Variants in RABGAP1L observed in about 807,000 individuals in gnomAD.
RABGAP1L encodes the protein RAB GTPase activating protein 1 like.
RABGAP1L carries 63 observed loss-of-function variants against 137.7 expected under a neutral mutation model. The ratio of observed to expected loss-of-function variants is 0.46; its 90% CI spans 0.37 to 0.56. The LOEUF (loss-of-function observed/expected upper bound fraction) is 0.56. Ranked by LOEUF, RABGAP1L falls within the 20% of genes least tolerant of loss-of-function variation. The probability of loss-of-function intolerance (pLI) is 0.00; values close to 1 mark genes in which losing one functional copy is unlikely to be tolerated. For synonymous variants in RABGAP1L, 431 were observed against 433.7 expected (o/e 0.99, Z 0.08); for missense variants, 1,095 against 1,244.0 (o/e 0.88, Z 1.80).
chr1:174,470,719 A>G (rs939090719), intron 13 of RABGAP1L, among the ~76,000 whole-genome samples: 1 of 152,170 alleles, frequency 6.6e-6, no homozygotes, highest in African/African-American at 2.4e-5. Flanking sequence ...GTGAGCCAAG[A>G]TGGCGGCATT....
intron 13 of RABGAP1L, among the ~76,000 whole-genome samples, chr1:174,438,136 C>T (rs1022942863): frequency 3.9e-5 from 6 of 151,982 alleles, no homozygotes; most frequent in East Asian, 3.9e-4. Flanking sequence ...TAAAGACCAT[C>T]GAGGCTAGGA....
intron 13 of RABGAP1L, among the ~76,000 whole-genome samples, chr1:174,518,533 G>A (rs562639074): frequency 3.9e-5 from 6 of 151,936 alleles, no homozygotes; most frequent in African/African-American, 1.5e-4. Context: ...TCAATCACTG[G>A]TTGATTGAAT....
intron 11 of RABGAP1L, among the ~76,000 whole-genome samples, chr1:174,349,398 G>A (rs1339414792): frequency 2.2e-5 from 3 of 137,988 alleles, no homozygotes; most frequent in Admixed American, 7.0e-5. Flanking sequence ...GCGGCTGGCC[G>A]GGTGGGGGGC....
intron 19 of RABGAP1L, among the ~76,000 whole-genome samples, chr1:174,924,384 T>TCA (rs1662343897): frequency 8.2e-5 from 1 of 12,250 alleles, no homozygotes; most frequent in African/African-American, 1.1e-3. Flanking sequence ...AGACTCTGTC[T>TCA]CAAAAAAAAA....
intron 19 of RABGAP1L, among the ~76,000 whole-genome samples, chr1:174,895,241 A>G (rs977546951): frequency 4.6e-5 from 7 of 152,226 alleles, no homozygotes; most frequent in African/African-American, 1.7e-4. Flanking sequence ...ACTTGAGAAT[A>G]AAGTGTTTAA....
At chr1:174,976,436 G>A (rs1430942517) in intron 22 of RABGAP1L, among the ~76,000 whole-genome samples, 1 of 152,118 alleles carries the variant, frequency 6.6e-6, no homozygotes, top group Non-Finnish European at 1.5e-5. Context: ...GAGATATTTA[G>A]CAAGAGTGTT....
At chr1:174,731,518 T>C (rs1469075529) in intron 17 of RABGAP1L, among the ~76,000 whole-genome samples, 1 of 152,076 alleles carries the variant, frequency 6.6e-6, no homozygotes, top group Admixed American at 6.5e-5. Flanking sequence ...TTTTGAGGTA[T>C]TTTTTTTCTA....
intron 13 of RABGAP1L, among the ~76,000 whole-genome samples, chr1:174,630,320 C>T (rs1162667298): frequency 9.9e-5 from 8 of 80,782 alleles, no homozygotes; most frequent in Admixed American, 2.9e-4. Context: ...ATTTTTGCAT[C>T]AATGTTCATC....
chr1:174,994,970 C>T lies in RABGAP1L; in HGVS notation c.*4969C>T, dbSNP rs189526855. 1 of 152,278 alleles carries T rather than the reference C, an allele frequency of 6.6e-6. No individual in the cohort carries two copies. The allele number at this position is 152,278 out of a possible 1,614,324, so 9.4% of individuals were successfully genotyped here. A position where few individuals can be genotyped will look rare whatever the true frequency, so the allele number is the denominator to read the frequency against. Reference sequence around the variant, plus strand: ...CAGTACTAATTAACTACAAAATAAACGTTAGTGATCAGCCTCTTCCTCTAT... The same window carrying T: ...CAGTACTAATTAACTACAAAATAAATGTTAGTGATCAGCCTCTTCCTCTAT... On this transcript the variant is annotated 3_prime_UTR_variant, in exon 26 of 26. Transcript: ENST00000681986.
intron 17 of RABGAP1L, among the ~76,000 whole-genome samples, chr1:174,713,233 G>A (rs1169499349): frequency 1.3e-5 from 2 of 152,120 alleles, no homozygotes; most frequent in Non-Finnish European, 2.9e-5. Context: ...TCTTCCTCAG[G>A]AGAACCATTA....
intron 18 of RABGAP1L, among the ~76,000 whole-genome samples, chr1:174,760,362 G>T (rs1355400148): frequency 2.0e-5 from 3 of 152,100 alleles, no homozygotes; most frequent in Non-Finnish European, 4.4e-5. Flanking sequence ...CATGTCTATT[G>T]TTCCCTTCTT....
intron 13 of RABGAP1L, among the ~76,000 whole-genome samples, chr1:174,495,202 A>G (rs1660632092): frequency 6.6e-6 from 1 of 152,022 alleles, no homozygotes; most frequent in Admixed American, 6.6e-5. Context: ...TATATCATGA[A>G]CTCTCATTGT....
At chr1:174,316,164 A>AT (rs958386417) in intron 11 of RABGAP1L, among the ~76,000 whole-genome samples, 9 of 151,922 alleles carry the variant, frequency 5.9e-5, no homozygotes, top group African/African-American at 2.2e-4. Context: ...AATTTCTTTG[A>AT]TTTTTCTGAA....
chr1:174,561,196 A>AATC (rs1667188702), intron 13 of RABGAP1L, among the ~76,000 whole-genome samples: 1 of 152,186 alleles, frequency 6.6e-6, no homozygotes, highest in Non-Finnish European at 1.5e-5. Flanking sequence ...AATGTGCAAA[A>AATC]ATCACAAGCA....
intron 16 of RABGAP1L, chr1:174,700,900 A>G: frequency 3.0e-6 from 1 of 335,004 alleles, no homozygotes; most frequent in Non-Finnish European, 5.3e-6. Context: ...AATCAAGTAA[A>G]TATACCTAAT....
intron 12 of RABGAP1L, among the ~76,000 whole-genome samples, chr1:174,388,305 C>G (rs1335451987): frequency 6.6e-6 from 1 of 151,632 alleles, no homozygotes; most frequent in Non-Finnish European, 1.5e-5. Context: ...AATACACTAT[C>G]AGAAAGATGT....
intron 19 of RABGAP1L, chr1:174,922,068 T>C (rs924979950): frequency 4.6e-5 from 7 of 152,348 alleles, no homozygotes; most frequent in Non-Finnish European, 8.8e-5. Context: ...CTCCAGAAGA[T>C]AGCTTTTCTT....
intron 13 of RABGAP1L, among the ~76,000 whole-genome samples, chr1:174,596,665 G>A: frequency 6.6e-6 from 1 of 152,078 alleles, no homozygotes; most frequent in East Asian, 1.9e-4. Context: ...CTGCAAAGAA[G>A]GATAATTTGA....
At chr1:174,406,389 CTT>C (rs1649284976) in intron 13 of RABGAP1L, among the ~76,000 whole-genome samples, 1 of 152,018 alleles carries the variant, frequency 6.6e-6, no homozygotes, top group African/African-American at 2.4e-5. Flanking sequence ...GAAGATATAA[CTT>C]TTTAATATTA....
Sources: allele counts gnomAD v4.1 joint callset (sites outside exome capture counted in the v4.1 genomes callset), GRCh38; gene constraint gnomAD v4.1.1; transcripts MANE v1.5; gene names NCBI Gene and HGNC (gene_info 2026-07-23, HGNC 2026-07-21).